Variants in DHX40 observed in about 807,000 individuals in gnomAD.
The protein encoded by DHX40 is DEAH-box helicase 40.
DHX40 carries 28 observed loss-of-function variants against 89.6 expected under a neutral mutation model. That is an observed-to-expected ratio of 0.31 (90% CI 0.23 to 0.43). The LOEUF is 0.43. Ranked by LOEUF, DHX40 falls within the 20% of genes least tolerant of loss-of-function variation. The pLI is 1.00. For missense variants in DHX40, 457 were observed against 844.0 expected (o/e 0.54, Z 5.68); for synonymous variants, 226 against 283.6 (o/e 0.80, Z 2.04).
Position 59,565,731 on chromosome 17 carries a change from G to T in DHX40, c.60G>T (p.Arg20=). 1 of 1,605,180 alleles carries T rather than the reference G, an allele frequency of 6.2e-7. No homozygotes were observed. The highest frequency in any genetic ancestry group is 8.5e-7 in the Non-Finnish European group (1 of 1,179,656). The stretch of plus-strand genomic sequence containing the variant: ...CAAGGCGGCAGGAGGAGGGTGAGCG[G>T]TCAAGAGACCTCCAGGAAGAGCGGC... ...RAPRRQEEGE[R]SRDLQEERLS... Residue 20 remains arginine (R), a synonymous_variant, in exon 1 of 18, where the codon CGG becomes CGT. Coordinates refer to ENST00000251241, the MANE Select transcript of DHX40 (RefSeq NM_024612.5).
chr17:59,595,549 G>A (rs1282857367), intron 12 of DHX40, among the ~76,000 whole-genome samples: 10 of 133,338 alleles, frequency 7.5e-5, no homozygotes, highest in African/African-American at 2.9e-4. Flanking sequence ...AGGAATCAGA[G>A]AGACCGAGGG....
At chr17:59,589,215 A>ATTTTTT (rs1209554990) in intron 12 of DHX40, among the ~76,000 whole-genome samples, 37 of 89,328 alleles carry the variant, frequency 4.1e-4, no homozygotes, top group Middle Eastern at 8.3e-3. Flanking sequence ...ACTTGCTGGG[A>ATTTTTT]TTTTTTTTTT....
intron 12 of DHX40, among the ~76,000 whole-genome samples, chr17:59,598,167 C>G (rs1389394279): frequency 6.6e-6 from 1 of 151,936 alleles, no homozygotes; most frequent in Non-Finnish European, 1.5e-5. Context: ...ACACCTGGCC[C>G]TATATTGCTA....
intron 17 of DHX40, among the ~76,000 whole-genome samples, chr17:59,606,212 G>A (rs530092167): frequency 6.6e-6 from 1 of 151,950 alleles, no homozygotes; most frequent in Admixed American, 6.6e-5. Flanking sequence ...GCCTGGCTAA[G>A]TTTGTATATC....
At chr17:59,596,554 C>T (rs1333853812) in intron 12 of DHX40, among the ~76,000 whole-genome samples, 5 of 152,162 alleles carry the variant, frequency 3.3e-5, no homozygotes, top group South Asian at 4.1e-4. Context: ...GGCAGCAGAG[C>T]GAGACTGTCT....
At chr17:59,606,687 A>G (rs2030873232) in intron 17 of DHX40, among the ~76,000 whole-genome samples, 1 of 151,086 alleles carries the variant, frequency 6.6e-6, no homozygotes, top group East Asian at 2.0e-4. Flanking sequence ...CAGAGCTTGC[A>G]GTGAGCCGAG....
rs940408919 is a variant in DHX40, at chr17:59,565,696, G to A, written c.25G>A (p.Gly9Ser). MSRFPAVA[G>S]RAPRRQEEGE... The stretch of plus-strand genomic sequence containing the variant: ...TATGTCCCGGTTTCCCGCAGTCGCG[G>A]GCAGGGCGCCAAGGCGGCAGGAGGA... Residue 9 changes from glycine (G) to serine (S), a missense_variant, in exon 1 of 18, where the codon GGC becomes AGC. Gly to Ser is a moderately conservative substitution (Grantham distance 56). Around this residue, in one of 9 missense-constraint regions of DHX40, gnomAD observed 75 missense variants for 76.8 expected, o/e 0.98. Transcript: ENST00000251241. The A allele has an allele frequency of 2.5e-6, 4 of 1,602,860 alleles. No individual in the cohort carries two copies. Among genetic ancestry groups the A allele is most frequent in the Non-Finnish European group, 3.4e-6 (4 of 1,179,636 alleles).
At chr17:59,585,741 G>T (rs2048985186) in intron 10 of DHX40, among the ~76,000 whole-genome samples, 1 of 146,450 alleles carries the variant, frequency 6.8e-6, no homozygotes, top group Non-Finnish European at 1.5e-5. Context: ...AGCATTTTGA[G>T]GTACTATTGA....
At chr17:59,574,120 A>C in intron 5 of DHX40, 68 bp from the exon 6 acceptor site, 1 of 553,908 alleles carries the variant, frequency 1.8e-6, no homozygotes, top group Non-Finnish European at 3.0e-6. Flanking sequence ...TCTGTGGGGC[A>C]AGGGAAGTGG....
chr17:59,601,255 G>T (rs1469980218), intron 14 of DHX40, among the ~76,000 whole-genome samples: 1 of 152,102 alleles, frequency 6.6e-6, no homozygotes, highest in African/African-American at 2.4e-5. Flanking sequence ...GCTACAGTGA[G>T]CTGTGATCAC....
chr17:59,567,579 A>G (rs142682534), intron 2 of DHX40, among the ~76,000 whole-genome samples: 1 of 152,268 alleles, frequency 6.6e-6, no homozygotes, highest in African/African-American at 2.4e-5. Context: ...CACTGATTCT[A>G]TTTTATGAGA....
chr17:59,597,934 C>CAAAA (rs776094146), intron 12 of DHX40, among the ~76,000 whole-genome samples: 1 of 56,802 alleles, frequency 1.8e-5, no homozygotes, highest in Non-Finnish European at 3.7e-5. Context: ...GACTCCGTCT[C>CAAAA]AAAAAAAAAA....
At chr17:59,593,890 TCTTGTC>T (rs1567887824) in intron 12 of DHX40, among the ~76,000 whole-genome samples, 3 of 150,824 alleles carry the variant, frequency 2.0e-5, no homozygotes, top group African/African-American at 7.3e-5. Flanking sequence ...CCATTTTGTT[TCTTGTC>T]CTTGTCAACT....
At chr17:59,603,351 A>C (rs2030652164) in intron 15 of DHX40, 1 of 152,250 alleles carries the variant, frequency 6.6e-6, no homozygotes, top group African/African-American at 2.4e-5. Context: ...AGATAATAAC[A>C]ATGAATAGAC....
rs372343386 is a variant in DHX40, at chr17:59,607,540, C to G, written c.*368C>G. 4 of 477,030 alleles carry G rather than the reference C, an allele frequency of 8.4e-6. No individual in the cohort carries two copies. The highest frequency in any genetic ancestry group is 3.5e-5 in the Admixed American group (1 of 28,484). 29.5% of individuals were successfully genotyped at this position (477,030 alleles called of 1,614,324 possible). ...AGCGTGTACTCCATTTGCATTGAAGCATTAAAAATTATTTTTCTTAAAATC... is the reference window on the plus strand; with the variant it reads ...AGCGTGTACTCCATTTGCATTGAAGGATTAAAAATTATTTTTCTTAAAATC... On this transcript the variant is annotated 3_prime_UTR_variant, in exon 18 of 18. Coordinates refer to ENST00000251241, the MANE Select transcript of DHX40 (RefSeq NM_024612.5).
At chr17:59,605,755 ATGT>A in intron 17 of DHX40, 81 bp downstream of exon 17, 2 of 1,351,860 alleles carry the variant, frequency 1.5e-6, no homozygotes, top group South Asian at 2.5e-5. Context: ...GTTTATAAAA[ATGT>A]TGTGACCCAC....
At chr17:59,605,776 A>G (rs2030807228) in intron 17 of DHX40, 102 bp downstream of exon 17, 1 of 1,068,196 alleles carries the variant, frequency 9.4e-7, no homozygotes, top group Non-Finnish European at 1.4e-6. Flanking sequence ...CACCTGGGCA[A>G]TGTGGTGAGA....
intron 12 of DHX40, among the ~76,000 whole-genome samples, chr17:59,597,874 G>C (rs1473807285): frequency 6.8e-6 from 1 of 147,698 alleles, no homozygotes; most frequent in Non-Finnish European, 1.5e-5. Context: ...GGCGGAGCTT[G>C]CAGTGAGCCG....
Position 59,581,860 on chromosome 17 carries a change from T to G in DHX40, c.1343+1981T>G, listed in dbSNP as rs1475848365. Among the ~76,000 whole-genome samples, 2 of 124,350 alleles carry G rather than the reference T, an allele frequency of 1.6e-5. 1 individual carries two copies. The highest frequency in any genetic ancestry group is 3.2e-5 in the Non-Finnish European group (2 of 62,890). The allele number at this position is 124,350 out of a possible 152,430, so 81.6% of individuals were successfully genotyped here. A position where few individuals can be genotyped will look rare whatever the true frequency, so the allele number is the denominator to read the frequency against. The stretch of plus-strand genomic sequence containing the variant: ...GCCAATTTGCCAATTTCAAAATGTT[T>G]TGATAGTTATCATTAGATTAGAGAT... On this transcript the variant is annotated intron_variant, in intron 10 of 17. Coordinates refer to ENST00000251241, the MANE Select transcript of DHX40 (RefSeq NM_024612.5).
Sources: allele counts gnomAD v4.1 joint callset (sites outside exome capture counted in the v4.1 genomes callset), GRCh38; gene constraint gnomAD v4.1.1; regional missense constraint gnomAD v4.1.1; transcripts MANE v1.5; gene names NCBI Gene and HGNC (gene_info 2026-07-23, HGNC 2026-07-21).